PTPRM: variants seen among roughly 807,000 people sequenced by gnomAD.
PTPRM encodes receptor-type tyrosine-protein phosphatase mu.
A neutral mutation model predicts 186.7 loss-of-function variants in PTPRM; 47 were observed. The observed-to-expected ratio is 0.25, with a 90% CI of 0.20 to 0.32. The LOEUF (loss-of-function observed/expected upper bound fraction) is 0.32. PTPRM is among the 10% of genes least tolerant of loss of function. PTPRM has a pLI of 1.00. For missense variants in PTPRM, 1,494 were observed against 1,865.0 expected (o/e 0.80, Z 3.66); for synonymous variants, 668 against 674.9 (o/e 0.99, Z 0.16).
intron 7 of PTPRM, among the ~76,000 whole-genome samples, chr18:8,020,773 A>G (rs376099197): frequency 1.6e-4 from 24 of 152,322 alleles, no homozygotes; most frequent in Non-Finnish European, 2.9e-4. Context: ...TGAAAGAGAA[A>G]AAAGAAGTGC....
At chr18:7,943,876 A>G (rs1490329106) in intron 5 of PTPRM, among the ~76,000 whole-genome samples, 1 of 152,168 alleles carries the variant, frequency 6.6e-6, no homozygotes, top group Non-Finnish European at 1.5e-5. Context: ...TCATACCTGC[A>G]AACTCCTTTT....
At chr18:7,765,355 A>G (rs573460213) in intron 1 of PTPRM, among the ~76,000 whole-genome samples, 1 of 152,330 alleles carries the variant, frequency 6.6e-6, no homozygotes, top group East Asian at 1.9e-4. Context: ...GTAATGTGTA[A>G]AAACTGCTTG....
chr18:7,873,558 A>C (rs1479236536), intron 2 of PTPRM, among the ~76,000 whole-genome samples: 1 of 152,208 alleles, frequency 6.6e-6, no homozygotes, highest in African/African-American at 2.4e-5. Context: ...CATAGCTAGC[A>C]CTCAGTACAG....
At chr18:8,212,769 G>A (rs2094025042) in intron 14 of PTPRM, among the ~76,000 whole-genome samples, 1 of 152,182 alleles carries the variant, frequency 6.6e-6, no homozygotes. Context: ...ACTGACCTCT[G>A]CGCTCTAGCC....
chr18:7,723,364 A>T (rs1238805108), intron 1 of PTPRM, among the ~76,000 whole-genome samples: 1 of 152,236 alleles, frequency 6.6e-6, no homozygotes, highest in African/African-American at 2.4e-5. Context: ...ACATGGAGTC[A>T]GTAGATACCA....
chr18:7,941,066 A>C (rs142787763), intron 5 of PTPRM, among the ~76,000 whole-genome samples: 1 of 152,328 alleles, frequency 6.6e-6, no homozygotes, highest in African/African-American at 2.4e-5. Context: ...CCAGACATTC[A>C]CATCCCATTC....
At chr18:7,756,168 C>T (rs1329018591) in intron 1 of PTPRM, among the ~76,000 whole-genome samples, 1 of 152,088 alleles carries the variant, frequency 6.6e-6, no homozygotes, top group African/African-American at 2.4e-5. Flanking sequence ...GCACCCTTGC[C>T]TTGTGTCTGT....
chr18:8,070,067 G>A (rs1382831940), intron 8 of PTPRM, 73 bp downstream of exon 8: 1 of 1,371,550 alleles, frequency 7.3e-7, no homozygotes, highest in Non-Finnish European at 1.0e-6. Context: ...CGAGATCTTT[G>A]CTGTGCAGAT....
rs530053861 is a variant in PTPRM at position 7,726,016 on chromosome 18, G to A, written c.74-48133G>A. ...GCACTGTACCCTAAACCCTGCTGCA[G>A]GGCCAGTACAGAGTTCGCTCTTGCT... On this transcript the variant is annotated intron_variant, in intron 1 of 32. Coordinates refer to ENST00000580170, the MANE Select transcript of PTPRM (RefSeq NM_001105244.2). Among the ~76,000 whole-genome samples the A allele has an allele frequency of 9.9e-5, 15 of 152,256 alleles. 1 individual carries two copies. The East Asian group carries it at 2.9e-3, about 29-fold the overall frequency.
intron 4 of PTPRM, among the ~76,000 whole-genome samples, chr18:7,924,541 G>C (rs901319780): frequency 2.0e-5 from 3 of 152,100 alleles, no homozygotes; most frequent in African/African-American, 7.2e-5. Flanking sequence ...CATTTCATTA[G>C]TATCAGATGA....
chr18:8,077,391 T>C (rs1164991846), intron 9 of PTPRM, among the ~76,000 whole-genome samples: 2 of 152,086 alleles, frequency 1.3e-5, no homozygotes, highest in African/African-American at 2.4e-5. Flanking sequence ...AGTAAACCCC[T>C]TCCCTGACCC....
intron 2 of PTPRM, among the ~76,000 whole-genome samples, chr18:7,826,411 T>G (rs946737984): frequency 2.0e-5 from 3 of 152,218 alleles, no homozygotes; most frequent in Non-Finnish European, 4.4e-5. Flanking sequence ...CAAACAAGTT[T>G]CTGATCATAA....
chr18:8,264,813 C>G (rs1040306823), intron 19 of PTPRM, among the ~76,000 whole-genome samples: 1 of 150,690 alleles, frequency 6.6e-6, no homozygotes, highest in Admixed American at 6.6e-5. Context: ...CCTACACACA[C>G]AGCACACACA....
At chr18:8,256,429 G>A (rs897847110) in intron 19 of PTPRM, among the ~76,000 whole-genome samples, 2 of 152,228 alleles carry the variant, frequency 1.3e-5, no homozygotes, top group African/African-American at 2.4e-5. Flanking sequence ...TCATTTTAAT[G>A]TAGGTGCTAG....
intron 14 of PTPRM, among the ~76,000 whole-genome samples, chr18:8,201,191 C>A (rs2093850487): frequency 6.6e-6 from 1 of 152,162 alleles, no homozygotes; most frequent in Non-Finnish European, 1.5e-5. Flanking sequence ...TGGTGCGCAC[C>A]TGTAGCCCCA....
chr18:7,715,403 C>G (rs1037485896), intron 1 of PTPRM, among the ~76,000 whole-genome samples: 1 of 152,152 alleles, frequency 6.6e-6, no homozygotes, highest in Non-Finnish European at 1.5e-5. Context: ...CAATATCATA[C>G]TGAATGGGCA....
intron 1 of PTPRM, among the ~76,000 whole-genome samples, chr18:7,578,615 G>A (rs909421775): frequency 9.9e-5 from 15 of 151,486 alleles, no homozygotes; most frequent in African/African-American, 3.6e-4. Flanking sequence ...GATTACAGGC[G>A]TGAGCCACAG....
At chr18:7,950,441 A>C (rs1375583874) in intron 6 of PTPRM, among the ~76,000 whole-genome samples, 2 of 152,196 alleles carry the variant, frequency 1.3e-5, no homozygotes, top group Non-Finnish European at 2.9e-5. Context: ...GTGGTATAAA[A>C]GCAATAGCTT....
chr18:8,333,116 T>C (rs1011517396), intron 22 of PTPRM, among the ~76,000 whole-genome samples: 12 of 152,384 alleles, frequency 7.9e-5, no homozygotes, highest in Non-Finnish European at 2.9e-5. Flanking sequence ...ATTTCCATTG[T>C]TTCCTTTAAA....
Sources: allele counts gnomAD v4.1 joint callset (sites outside exome capture counted in the v4.1 genomes callset), GRCh38; gene constraint gnomAD v4.1.1; transcripts MANE v1.5; gene names NCBI Gene and HGNC (gene_info 2026-07-23, HGNC 2026-07-21).